The following AOPEP variants were observed in gnomAD, a reference collection of about 807,000 sequenced individuals.
The protein encoded by AOPEP is aminopeptidase O (putative), also known as aminopeptidase O.
In AOPEP, 77 loss-of-function variants were observed where a neutral mutation model predicts 98.1. The ratio of observed to expected loss-of-function variants is 0.78; its 90% CI spans 0.65 to 0.95. AOPEP has a LOEUF of 0.95. Among genes scored for constraint, AOPEP ranks in the 40% least tolerant of loss-of-function variants. The pLI, the probability that AOPEP is intolerant of heterozygous loss-of-function variation, is 0.00. For synonymous variants in AOPEP, 346 were observed against 365.3 expected, an observed-to-expected ratio of 0.95 and a Z score of 0.60; for missense variants, 1,024 against 1,024.7, an observed-to-expected ratio of 1.00 and a Z score of 0.01.
chr9:94,917,326 G>A lies in AOPEP; in HGVS notation c.1365-6660G>A, dbSNP rs567601546. ...CTCAAGGTGGTCTCCATGTTTTGTC[G>A]TTGCCATGCTGTTTTTCCTGCTAGC... On this transcript the variant is annotated intron_variant, in intron 5 of 16. Coordinates refer to ENST00000375315, the MANE Select transcript of AOPEP (RefSeq NM_001193329.3). Among the ~76,000 whole-genome samples, 21 of 152,274 alleles carry A rather than the reference G, an allele frequency of 1.4e-4. No homozygotes were observed. In the South Asian group the frequency reaches 2.9e-3, roughly 21 times the overall value.
the AOPEP span, among the ~76,000 whole-genome samples, chr9:95,126,277 T>C: frequency 6.6e-6 from 1 of 152,248 alleles, no homozygotes; most frequent in Admixed American, 6.5e-5. Context: ...CTCAATTCTG[T>C]GTTTCTATTA....
chr9:94,962,216 A>G (rs2058892037), intron 9 of AOPEP, among the ~76,000 whole-genome samples: 1 of 152,224 alleles, frequency 6.6e-6, no homozygotes, highest in African/African-American at 2.4e-5. Context: ...AATTTAGGTG[A>G]CAGCCCTAGA....
chr9:94,931,987 C>G (rs936359193), intron 7 of AOPEP: 5 of 1,187,586 alleles, frequency 4.2e-6, no homozygotes, highest in Non-Finnish European at 5.4e-6. Flanking sequence ...GATAAAGAAC[C>G]AAGGCTCAGA....
At chr9:94,951,697 C>CAG (rs2058107344) in intron 7 of AOPEP, among the ~76,000 whole-genome samples, 1 of 152,212 alleles carries the variant, frequency 6.6e-6, no homozygotes, top group Non-Finnish European at 1.5e-5. Flanking sequence ...AATACAAAGT[C>CAG]AGAAGGCAGG....
chr9:94,871,626 TAA>T (rs1197886348), intron 5 of AOPEP, among the ~76,000 whole-genome samples: 2 of 152,230 alleles, frequency 1.3e-5, no homozygotes, highest in Non-Finnish European at 2.9e-5. Flanking sequence ...GTTACAGACT[TAA>T]AAGTATTTTG....
At chr9:95,127,023 A>G in the AOPEP span, 2 of 191,876 alleles carry the variant, frequency 1.0e-5, no homozygotes, top group South Asian at 1.1e-4. Context: ...TAATGGGTAC[A>G]TAACAATTTA....
intron 13 of AOPEP, among the ~76,000 whole-genome samples, chr9:95,032,696 A>G (rs2064424808): frequency 6.6e-6 from 1 of 152,234 alleles, no homozygotes. Flanking sequence ...GCTAGTAAAT[A>G]CTAGGTGTTA....
chr9:94,989,317 T>C (rs974600284), intron 11 of AOPEP, among the ~76,000 whole-genome samples: 1 of 152,120 alleles, frequency 6.6e-6, no homozygotes, highest in African/African-American at 2.4e-5. Flanking sequence ...TTAGCGAGGA[T>C]GGTCTTGATC....
chr9:94,791,674 G>T (rs1428131568), intron 3 of AOPEP, among the ~76,000 whole-genome samples: 1 of 152,120 alleles, frequency 6.6e-6, no homozygotes. Context: ...AACAGAGCGC[G>T]ACCCTGTCTC....
the AOPEP span, among the ~76,000 whole-genome samples, chr9:95,097,800 A>T: frequency 2.0e-5 from 3 of 152,232 alleles, no homozygotes; most frequent in South Asian, 6.2e-4. Context: ...GACCCATGGT[A>T]TAAACCAATT....
chr9:94,930,097 T>C lies in AOPEP; in HGVS notation c.1661+1566T>C, dbSNP rs2055049731. ...TTTGGACGGTGCTGCTCTGCTGCTG[T>C]GTGGAGAGCACCACAGGCAGCCGAC... On this transcript the variant is annotated intron_variant, in intron 7 of 16. Transcript: ENST00000375315. This position sits in a 1 kb window ranked among gnomAD's most constrained non-coding sequence, Gnocchi z 4.5. 6.6e-6 allele frequency among the ~76,000 whole-genome samples: 1 copy of C among 152,162 alleles called. No homozygotes were observed. The highest frequency in any genetic ancestry group is 1.5e-5 in the Non-Finnish European group (1 of 68,038).
intron 5 of AOPEP, among the ~76,000 whole-genome samples, chr9:94,808,085 C>CA (rs1333664031): frequency 7.3e-5 from 11 of 151,650 alleles, no homozygotes; most frequent in African/African-American, 2.2e-4. Flanking sequence ...CTCTGTTGCC[C>CA]AGGCTGGAGT....
At position 95,078,369 on chromosome 9, in the gene AOPEP, GA is replaced by G. The variant is rs1183091213; in HGVS notation, c.2233-2322del. Among the ~76,000 whole-genome samples the G allele has an allele frequency of 9.2e-5, 14 of 152,324 alleles. No individual in the cohort carries two copies. The South Asian group carries it at 2.7e-3, about 29-fold the overall frequency. ...AAAGCACAGAAAGAAAAGGAGAGGC[GA>G]AACCCTCCATTCTCACAATCAAATC... On this transcript the variant is annotated intron_variant, in intron 14 of 16. Coordinates refer to ENST00000375315, the MANE Select transcript of AOPEP (RefSeq NM_001193329.3).
At chr9:94,788,594 G>A (rs905697495) in intron 3 of AOPEP, among the ~76,000 whole-genome samples, 3 of 151,962 alleles carry the variant, frequency 2.0e-5, no homozygotes, top group African/African-American at 7.3e-5. Flanking sequence ...CAGGAGCAGG[G>A]GACTGAAATA....
intron 13 of AOPEP, chr9:95,048,974 CG>C (rs2066100744): frequency 6.6e-6 from 1 of 152,168 alleles, no homozygotes; most frequent in Non-Finnish European, 1.5e-5. Flanking sequence ...GACGGGACCT[CG>C]CCTGCACTGC....
At chr9:94,899,577 C>G (rs924504773) in intron 5 of AOPEP, among the ~76,000 whole-genome samples, 16 of 151,442 alleles carry the variant, frequency 1.1e-4, no homozygotes, top group African/African-American at 3.9e-4. Flanking sequence ...AAATGAGACC[C>G]CATCACTACA....
the AOPEP span, among the ~76,000 whole-genome samples, chr9:95,092,390 G>A: frequency 2.7e-5 from 4 of 148,914 alleles, no homozygotes; most frequent in East Asian, 7.8e-4. Context: ...GCCTGGGGGC[G>A]GGCCTGGGGC....
At chr9:94,776,371 G>A (rs1842096152) in intron 3 of AOPEP, among the ~76,000 whole-genome samples, 1 of 152,124 alleles carries the variant, frequency 6.6e-6, no homozygotes, top group South Asian at 2.1e-4. Flanking sequence ...GCGTGATCTC[G>A]GCTCACTGCA....
At chr9:95,130,297 T>TGA in the AOPEP span, among the ~76,000 whole-genome samples, 21 of 147,592 alleles carry the variant, frequency 1.4e-4, no homozygotes, top group Admixed American at 2.7e-4. Flanking sequence ...TGTGTGTGTG[T>TGA]GTGAGAGAGA....
Sources: gnomAD v4.1 joint callset for allele counts (sites outside exome capture counted in the v4.1 genomes callset) on GRCh38, gnomAD v4.1.1 for gene constraint, Gnocchi (gnomAD v3.1) non-coding constraint, MANE v1.5 for transcripts, NCBI Gene and HGNC (gene_info 2026-07-23, HGNC 2026-07-21) for gene names.